The following DGKH variants were observed in gnomAD, a reference collection of about 807,000 sequenced individuals.
DGKH encodes the protein diacylglycerol kinase eta, also known as DAG kinase eta.
Under a neutral mutation model 159.3 loss-of-function variants are expected in DGKH, and 90 were observed. The ratio of observed to expected loss-of-function variants is 0.57; its 90% CI spans 0.48 to 0.67. DGKH has a LOEUF of 0.67. Ranked by LOEUF, DGKH falls within the 30% of genes least tolerant of loss-of-function variation. DGKH has a pLI of 0.00. For synonymous variants in DGKH, 536 were observed against 553.8 expected (o/e 0.97, Z 0.45); for missense variants, 1,181 against 1,506.1 (o/e 0.78, Z 3.57).
intron 1 of DGKH, among the ~76,000 whole-genome samples, chr13:42,061,061 A>G (rs1261063108): frequency 6.8e-6 from 1 of 147,744 alleles, no homozygotes; most frequent in Non-Finnish European, 1.5e-5. Context: ...TCCATAGAGG[A>G]AGGGGTCTCC....
At chr13:42,248,618 AAT>A (rs1277207644) in intron 29 of DGKH, among the ~76,000 whole-genome samples, 2 of 147,688 alleles carry the variant, frequency 1.4e-5, no homozygotes, top group Non-Finnish European at 3.0e-5. Flanking sequence ...TATAATACAT[AAT>A]ATATATTATT....
chr13:42,212,515 T>A (rs1226121700), intron 24 of DGKH, among the ~76,000 whole-genome samples: 2 of 152,198 alleles, frequency 1.3e-5, no homozygotes, highest in African/African-American at 4.8e-5. Context: ...AACCAAAATA[T>A]ACTTCCCATG....
At chr13:42,183,400 A>T (rs1047788939) in intron 13 of DGKH, among the ~76,000 whole-genome samples, 10 of 152,226 alleles carry the variant, frequency 6.6e-5, no homozygotes, top group African/African-American at 2.4e-4. Flanking sequence ...CAACTCAATG[A>T]TTAAAAAAAT....
chr13:42,090,224 C>T (rs1954390376), intron 1 of DGKH, among the ~76,000 whole-genome samples: 1 of 152,056 alleles, frequency 6.6e-6, no homozygotes, highest in African/African-American at 2.4e-5. Flanking sequence ...TTTTAAAAAA[C>T]TGTATGCAAA....
chr13:42,118,242 G>A (rs1238889107), intron 1 of DGKH, among the ~76,000 whole-genome samples: 1 of 152,098 alleles, frequency 6.6e-6, no homozygotes, highest in Admixed American at 6.5e-5. Context: ...TCCAGCCTGT[G>A]TTTCTTGTTT....
At chr13:42,061,982 TGTGTGG>T (rs1882208194) in intron 1 of DGKH, among the ~76,000 whole-genome samples, 4 of 137,028 alleles carry the variant, frequency 2.9e-5, no homozygotes, top group East Asian at 4.6e-4. Context: ...GGAGAGTGTG[TGTGTGG>T]GTGTGTGTGT....
At chr13:42,118,518 T>C (rs1412348871) in intron 1 of DGKH, among the ~76,000 whole-genome samples, 1 of 152,214 alleles carries the variant, frequency 6.6e-6, no homozygotes, top group African/African-American at 2.4e-5. Flanking sequence ...AATATGTGGA[T>C]GGACACTGTT....
chr13:42,214,473 GT>G, intron 24 of DGKH, 33 bp from the exon 25 acceptor site: 9 of 1,592,776 alleles, frequency 5.7e-6, no homozygotes, highest in South Asian at 2.3e-5. Flanking sequence ...ACTCAAAAAA[GT>G]TTTTTATTCA....
At chr13:42,063,782 A>G (rs1314230676) in intron 1 of DGKH, among the ~76,000 whole-genome samples, 1 of 152,128 alleles carries the variant, frequency 6.6e-6, no homozygotes, top group Non-Finnish European at 1.5e-5. Flanking sequence ...TCTATTAAAA[A>G]TACAAAATTA....
rs1958292774 is a variant in DGKH, at chr13:42,231,487, TC to T, written c.*2301del. ...TGCTGTCCTGCTCCTGTGAACACTT[TC>T]CTGTGCAACCAAACAGGAGGTGCCA... On this transcript the variant is annotated 3_prime_UTR_variant, in exon 30 of 30. Transcript: ENST00000337343. The T allele has an allele frequency of 6.6e-6, 1 of 152,232 alleles. No individual in the cohort carries two copies. The highest frequency in any genetic ancestry group is 1.5e-5 in the Non-Finnish European group (1 of 68,050). The allele number at this position is 152,232 out of a possible 1,614,324, so 9.4% of individuals were successfully genotyped here. A position where few individuals can be genotyped will look rare whatever the true frequency, so the allele number is the denominator to read the frequency against.
chr13:42,136,247 G>A (rs1955400617), intron 3 of DGKH, among the ~76,000 whole-genome samples: 1 of 152,170 alleles, frequency 6.6e-6, no homozygotes, highest in Admixed American at 6.5e-5. Flanking sequence ...TTGGGAATTT[G>A]GAAGAAGAAT....
At chr13:42,096,147 G>A (rs961744007) in intron 1 of DGKH, among the ~76,000 whole-genome samples, 3 of 151,858 alleles carry the variant, frequency 2.0e-5, no homozygotes, top group South Asian at 2.1e-4. Flanking sequence ...TTTGTTACCC[G>A]GGTATATTGT....
intron 1 of DGKH, chr13:42,070,113 T>C: frequency 2.1e-6 from 2 of 966,830 alleles, no homozygotes; most frequent in Non-Finnish European, 1.7e-6. Context: ...GGCTTGAAAT[T>C]GGCTTATCCA....
intron 1 of DGKH, among the ~76,000 whole-genome samples, chr13:42,124,337 C>G (rs1427644689): frequency 6.6e-6 from 1 of 152,024 alleles, no homozygotes; most frequent in Non-Finnish European, 1.5e-5. Flanking sequence ...AAATTTATAT[C>G]ATTTATGTTT....
intron 1 of DGKH, among the ~76,000 whole-genome samples, chr13:42,057,389 GT>G (rs1215782417): frequency 6.6e-6 from 1 of 152,166 alleles, no homozygotes; most frequent in African/African-American, 2.4e-5. Context: ...AAGTGCAAGA[GT>G]TTTATCTGAG....
intron 3 of DGKH, among the ~76,000 whole-genome samples, chr13:42,144,844 T>G (rs1297416548): frequency 6.6e-6 from 1 of 152,148 alleles, no homozygotes; most frequent in East Asian, 1.9e-4. Context: ...GACAGTAAAA[T>G]CACAGTAACC....
At chr13:42,174,868 GCC>G (rs1260217337) in intron 12 of DGKH, among the ~76,000 whole-genome samples, 1 of 152,098 alleles carries the variant, frequency 6.6e-6, no homozygotes, top group East Asian at 1.9e-4. Context: ...ACTGTGGCCG[GCC>G]CCTACTCTTC....
At chr13:42,113,877 G>A (rs1216782399) in intron 1 of DGKH, among the ~76,000 whole-genome samples, 1 of 152,182 alleles carries the variant, frequency 6.6e-6, no homozygotes, top group South Asian at 2.1e-4. Context: ...TGAATATATT[G>A]TGGTGAAGAT....
At chr13:42,051,221 T>A (rs540978725) in intron 1 of DGKH, among the ~76,000 whole-genome samples, 1 of 152,360 alleles carries the variant, frequency 6.6e-6, no homozygotes, top group Admixed American at 6.5e-5. Flanking sequence ...TGCTTGAATT[T>A]CAAAAGTGTA....
Sources: allele counts gnomAD v4.1 joint callset (sites outside exome capture counted in the v4.1 genomes callset), GRCh38; gene constraint gnomAD v4.1.1; transcripts MANE v1.5; gene names NCBI Gene and HGNC (gene_info 2026-07-23, HGNC 2026-07-21).